BTBD9: variants seen among roughly 807,000 people sequenced by gnomAD.
The protein encoded by BTBD9 is BTB domain containing 9.
Under a neutral mutation model 64.3 loss-of-function variants are expected in BTBD9, and 49 were observed. The ratio of observed to expected loss-of-function variants is 0.76; its 90% CI spans 0.61 to 0.97. BTBD9 has a LOEUF of 0.97. BTBD9 is among the 50% of genes least tolerant of loss of function. BTBD9 has a pLI of 0.00. For missense variants in BTBD9, 598 were observed against 762.1 expected, an observed-to-expected ratio of 0.78 and a Z score of 2.53; for synonymous variants, 260 against 274.7, an observed-to-expected ratio of 0.95 and a Z score of 0.53.
intron 6 of BTBD9, among the ~76,000 whole-genome samples, chr6:38,541,020 G>A (rs926579346): frequency 3.9e-5 from 6 of 152,096 alleles, no homozygotes; most frequent in African/African-American, 1.4e-4. Flanking sequence ...TTGATGAGAA[G>A]GACATCAAGT....
chr6:38,554,242 T>A (rs990091709), intron 6 of BTBD9, among the ~76,000 whole-genome samples: 1 of 152,204 alleles, frequency 6.6e-6, no homozygotes, highest in Admixed American at 6.5e-5. Context: ...AAGAGATTCA[T>A]GATGTGCCTG....
At chr6:38,547,027 C>T (rs1235095241) in intron 6 of BTBD9, among the ~76,000 whole-genome samples, 7 of 152,134 alleles carry the variant, frequency 4.6e-5, no homozygotes, top group African/African-American at 1.2e-4. Context: ...TGGGGCGTCA[C>T]GAGCCTCATC....
chr6:38,627,759 G>A (rs565681425), intron 1 of BTBD9, among the ~76,000 whole-genome samples: 36 of 152,058 alleles, frequency 2.4e-4, no homozygotes, highest in Non-Finnish European at 2.5e-4. Context: ...CAAATGAGTC[G>A]CTCAATGAGA....
At chr6:38,202,864 A>T (rs561392763) in intron 9 of BTBD9, among the ~76,000 whole-genome samples, 11 of 152,352 alleles carry the variant, frequency 7.2e-5, no homozygotes, top group Admixed American at 6.5e-4. Flanking sequence ...ACTGTATTAA[A>T]TTTAAAAATT....
At chr6:38,270,125 T>C (rs571053810) in intron 8 of BTBD9, among the ~76,000 whole-genome samples, 1 of 152,326 alleles carries the variant, frequency 6.6e-6, no homozygotes, top group East Asian at 1.9e-4. Context: ...ATTAGAATAT[T>C]GCACTCTGCA....
In BTBD9 at chr6:38,557,015, C is replaced by CAAAAAAAAAAAAAAAAAAAAAA. The variant is rs397888418; in HGVS notation, c.1154+20563_1154+20584dup. Among the ~76,000 whole-genome samples the CAAAAAAAAAAAAAAAAAAAAAA allele has an allele frequency of 1.3e-4, 2 of 15,408 alleles. 1 individual carries two copies. The highest frequency in any genetic ancestry group is 2.3e-4 in the Non-Finnish European group (2 of 8,692). The allele number at this position is 15,408 out of a possible 152,430, so 10.1% of individuals were successfully genotyped here. ...GGAACAGAGCGAGACTCCATCTCACCAAAAAAAAAAAAAAAAAAAAAAAAA... is the reference window on the plus strand; with the variant it reads ...GGAACAGAGCGAGACTCCATCTCACCAAAAAAAAAAAAAAAAAAAAAAAAAAAAAAAAAAAAAAAAAAAAAAA... On this transcript the variant is annotated intron_variant, in intron 6 of 10. Transcript: ENST00000481247.
At chr6:38,389,606 A>C (rs1393025412) in intron 6 of BTBD9, among the ~76,000 whole-genome samples, 1 of 152,236 alleles carries the variant, frequency 6.6e-6, no homozygotes, top group Admixed American at 6.5e-5. Context: ...TTTTTCAAGA[A>C]TGAATTACTC....
At chr6:38,246,239 C>T (rs1036756616) in intron 9 of BTBD9, among the ~76,000 whole-genome samples, 1 of 152,088 alleles carries the variant, frequency 6.6e-6, no homozygotes, top group African/African-American at 2.4e-5. Flanking sequence ...AAGATAAGTC[C>T]CCTTTAAATG....
chr6:38,621,601 A>G (rs1324545101), intron 1 of BTBD9, among the ~76,000 whole-genome samples: 1 of 152,244 alleles, frequency 6.6e-6, no homozygotes. Context: ...AAAGAAAAAA[A>G]GAATAAATGT....
intron 9 of BTBD9, among the ~76,000 whole-genome samples, chr6:38,205,650 T>G (rs1177486550): frequency 6.6e-6 from 1 of 151,688 alleles, no homozygotes; most frequent in East Asian, 1.9e-4. Context: ...TAAAGAAAGT[T>G]ATGGGATACT....
intron 6 of BTBD9, among the ~76,000 whole-genome samples, chr6:38,555,490 A>G (rs1053359891): frequency 2.0e-5 from 3 of 152,254 alleles, no homozygotes; most frequent in Non-Finnish European, 2.9e-5. Flanking sequence ...TTAATCTTCT[A>G]CTTAACAAAA....
chr6:38,417,798 GAGAAA>G (rs1178672758), intron 6 of BTBD9, among the ~76,000 whole-genome samples: 5 of 103,576 alleles, frequency 4.8e-5, no homozygotes, highest in Non-Finnish European at 7.9e-5. Context: ...GAGAGAGAGA[GAGAAA>G]AAAAATATTG....
chr6:38,629,145 T>C (rs752784780), intron 1 of BTBD9, among the ~76,000 whole-genome samples: 2 of 152,168 alleles, frequency 1.3e-5, no homozygotes, highest in African/African-American at 4.8e-5. Context: ...GCAAGTCAAC[T>C]AATAAATGTA....
chr6:38,346,691 C>G (rs1033856026), intron 6 of BTBD9, among the ~76,000 whole-genome samples: 2 of 152,192 alleles, frequency 1.3e-5, no homozygotes, highest in Non-Finnish European at 2.9e-5. Context: ...TTGTCCTTCA[C>G]TTTGGCAGTG....
intron 6 of BTBD9, among the ~76,000 whole-genome samples, chr6:38,360,768 A>C (rs1764920888): frequency 6.6e-6 from 1 of 152,212 alleles, no homozygotes; most frequent in African/African-American, 2.4e-5. Context: ...GGGATGGAGA[A>C]GTAAAGGCGG....
intron 9 of BTBD9, among the ~76,000 whole-genome samples, chr6:38,235,121 C>A (rs910273646): frequency 7.9e-5 from 12 of 152,188 alleles, no homozygotes; most frequent in African/African-American, 2.7e-4. Context: ...AGCGAGCCTG[C>A]ACTTTACACT....
chr6:38,579,764 TA>T (rs1339284632), intron 5 of BTBD9, among the ~76,000 whole-genome samples: 2 of 152,356 alleles, frequency 1.3e-5, no homozygotes, highest in African/African-American at 2.4e-5. Context: ...TTTAGAGGAA[TA>T]TTTTTTAAAG....
At chr6:38,406,554 GA>G (rs1169714511) in intron 6 of BTBD9, among the ~76,000 whole-genome samples, 2 of 152,094 alleles carry the variant, frequency 1.3e-5, no homozygotes, top group Non-Finnish European at 2.9e-5. Flanking sequence ...AGAAGAATTG[GA>G]AAAATAATTT....
chr6:38,428,156 C>T (rs373113401), intron 6 of BTBD9, among the ~76,000 whole-genome samples: 1 of 151,766 alleles, frequency 6.6e-6, no homozygotes, highest in Admixed American at 6.5e-5. Context: ...CAAAGATTAA[C>T]GAGATATATC....
Sources: gnomAD v4.1 joint callset for allele counts (sites outside exome capture counted in the v4.1 genomes callset) on GRCh38, gnomAD v4.1.1 for gene constraint, MANE v1.5 for transcripts, NCBI Gene and HGNC (gene_info 2026-07-23, HGNC 2026-07-21) for gene names.